The following KHDRBS1 variants were observed in gnomAD, a reference collection of about 807,000 sequenced individuals.
KHDRBS1 encodes the protein KH RNA binding domain containing, signal transduction associated 1, also known as KH domain-containing, RNA-binding, signal transduction-associated protein 1.
In KHDRBS1, 7 loss-of-function variants were observed where a neutral mutation model predicts 48.4. The ratio of observed to expected loss-of-function variants is 0.14; its 90% CI spans 0.08 to 0.27. KHDRBS1 has a LOEUF of 0.27. Ranked by LOEUF, KHDRBS1 falls within the 10% of genes least tolerant of loss-of-function variation. The probability of loss-of-function intolerance (pLI) is 1.00; values close to 1 mark genes in which losing one functional copy is unlikely to be tolerated. For synonymous variants in KHDRBS1, 241 were observed against 235.8 expected, an observed-to-expected ratio of 1.02 and a Z score of -0.20; for missense variants, 458 against 601.2, an observed-to-expected ratio of 0.76 and a Z score of 2.49.
chr1:32,024,086 T>C (rs1357346966), intron 1 of KHDRBS1, among the ~76,000 whole-genome samples: 1 of 152,180 alleles, frequency 6.6e-6, no homozygotes, highest in African/African-American at 2.4e-5. Flanking sequence ...ACCTTTTTTC[T>C]ACTAAAAATA....
intron 6 of KHDRBS1, 127 bp downstream of exon 6, chr1:32,038,163 T>C: frequency 7.1e-7 from 1 of 1,402,276 alleles, no homozygotes; most frequent in Non-Finnish European, 9.6e-7. Context: ...TCTGCCCTCT[T>C]CTCTTGCAGT....
Position 32,030,347 on chromosome 1 carries a change from T to G in KHDRBS1, c.432T>G (p.Asn144Lys), listed in dbSNP as rs765072840. The change falls in exon 2 of 9, where the codon AAT (asparagine) becomes AAG (lysine). Residue 144 changes from asparagine to lysine, a missense_variant. By Grantham distance (94) the Asn-to-Lys change is moderately conservative. Transcript: ENST00000327300. ...KGDSKKDDEE[N>K]YLDLFSHKNM... Reference sequence around the variant, plus strand: ...ACTCAAAAAAGGATGATGAGGAGAATTACTTGGATTTATTTTCTCATAAGA... The same window carrying G: ...ACTCAAAAAAGGATGATGAGGAGAAGTACTTGGATTTATTTTCTCATAAGA... 6.2e-7 allele frequency: 1 copy of G among 1,611,544 alleles called. No individual in the cohort carries two copies. Among genetic ancestry groups the G allele is most frequent in the East Asian group, 2.2e-5 (1 of 44,772 alleles).
rs769790705 is a variant in KHDRBS1, at chr1:32,030,325, C to T, written c.410C>T (p.Ser137Leu). The T allele has an allele frequency of 1.2e-6, 2 of 1,608,616 alleles. No homozygotes were observed. Among genetic ancestry groups the T allele is most frequent in the Admixed American group, 1.7e-5 (1 of 59,234 alleles). Residue 137 changes from serine (S) to leucine (L), a missense_variant, in exon 2 of 9, where the codon TCA (serine) becomes TTA (leucine). Transcript: ENST00000327300. ...AEIEKIQKGD[S>L]KKDDEENYLD... The stretch of plus-strand genomic sequence containing the variant: ...ATTGAGAAGATTCAGAAAGGAGACT[C>T]AAAAAAGGATGATGAGGAGAATTAC...
intron 1 of KHDRBS1, among the ~76,000 whole-genome samples, chr1:32,014,682 C>T (rs999855283): frequency 6.6e-6 from 1 of 152,230 alleles, no homozygotes; most frequent in Non-Finnish European, 1.5e-5. Flanking sequence ...TTGCGGCTGC[C>T]GGGCGCGCAG....
intron 1 of KHDRBS1, among the ~76,000 whole-genome samples, chr1:32,019,331 A>C (rs147248369): frequency 0.034 from 5,119 of 151,896 alleles, 279 homozygotes; most frequent in African/African-American, 0.12. Flanking sequence ...GGGTGGATTA[A>C]CTGAGGTCAG....
chr1:32,030,076 A>G (rs1399831886), intron 1 of KHDRBS1, among the ~76,000 whole-genome samples: 1 of 152,166 alleles, frequency 6.6e-6, no homozygotes. Flanking sequence ...TCATGGCTTC[A>G]GGTGAGGGTG....
At chr1:32,050,922 A>G (rs1569823099) in intron 10 of KHDRBS1, among the ~76,000 whole-genome samples, 1 of 151,528 alleles carries the variant, frequency 6.6e-6, no homozygotes, top group East Asian at 1.9e-4. Flanking sequence ...ACAGAGTCTC[A>G]CTCTGTCACC....
At chr1:32,048,882 C>T (rs954217823) in intron 10 of KHDRBS1, among the ~76,000 whole-genome samples, 1 of 151,922 alleles carries the variant, frequency 6.6e-6, no homozygotes, top group East Asian at 1.9e-4. Flanking sequence ...TCCCTCCAGC[C>T]GTAGGCTACT....
intron 1 of KHDRBS1, among the ~76,000 whole-genome samples, chr1:32,017,314 T>C (rs893436535): frequency 2.6e-5 from 4 of 152,044 alleles, no homozygotes; most frequent in Admixed American, 2.6e-4. Flanking sequence ...TAGACTTCTA[T>C]GTTAGCCAGA....
intron 4 of KHDRBS1, 69 bp from the exon 5 acceptor site, chr1:32,036,841 G>A (rs962249719): frequency 1.8e-5 from 27 of 1,504,216 alleles, no homozygotes; most frequent in African/African-American, 2.8e-5. Context: ...CAAGTCTCCC[G>A]TGGACCAGAT....
intron 4 of KHDRBS1, among the ~76,000 whole-genome samples, chr1:32,034,691 C>T (rs1375775968): frequency 6.6e-6 from 1 of 151,390 alleles, no homozygotes; most frequent in Non-Finnish European, 1.5e-5. Context: ...GAATGTTCAA[C>T]ATGAGGCAGG....
intron 10 of KHDRBS1, among the ~76,000 whole-genome samples, chr1:32,050,576 G>A (rs1482875262): frequency 6.7e-6 from 1 of 149,422 alleles, no homozygotes; most frequent in Non-Finnish European, 1.5e-5. Context: ...GCAGTGGTAT[G>A]ATCTCAGTTC....
chr1:32,054,027 T>C lies in KHDRBS1; in HGVS notation n.1302-6136T>C, dbSNP rs959955892. 2.0e-5 allele frequency among the ~76,000 whole-genome samples: 3 copies of C among 152,120 alleles called. No homozygotes were observed. In the East Asian group the frequency reaches 5.8e-4, roughly 29 times the overall value. On this transcript the variant is annotated intron_variant and non_coding_transcript_variant, in intron 10 of 10. Coordinates refer to the KHDRBS1 transcript ENST00000484270. ...TGTACCCAGGAGGTGGAGGTTGCAGTGAGCCAAGATAGCGCCATTGCACAC... is the reference window on the plus strand; with the variant it reads ...TGTACCCAGGAGGTGGAGGTTGCAGCGAGCCAAGATAGCGCCATTGCACAC...
At chr1:32,052,986 C>CA (rs960978460) in intron 10 of KHDRBS1, among the ~76,000 whole-genome samples, 1 of 151,070 alleles carries the variant, frequency 6.6e-6, no homozygotes, top group East Asian at 1.9e-4. Flanking sequence ...CCCATCTCTA[C>CA]AAAAAAAATA....
chr1:32,059,972 AAG>A (rs1461301549), intron 10 of KHDRBS1, among the ~76,000 whole-genome samples: 1 of 152,144 alleles, frequency 6.6e-6, no homozygotes, highest in Non-Finnish European at 1.5e-5. Context: ...AGACAGTAAA[AAG>A]AGAATTCATA....
chr1:32,037,890 G>A lies in KHDRBS1; in HGVS notation c.961G>A (p.Gly321Arg). Residue 321 changes from glycine to arginine, a missense_variant, in exon 6 of 9, where the codon GGA becomes AGA. Physicochemically the swap from Gly to Arg is moderately radical, Grantham distance 125. Transcript: ENST00000327300. ...GALVRGTPVRGAITRGATVTR... is the reference protein window; with the variant it reads ...GALVRGTPVRRAITRGATVTR... ...TTTGGTACGTGGTACACCAGTAAGG[G>A]GAGCCATCACCAGAGGTGCCACTGT... 1 of 1,614,180 alleles carries A rather than the reference G, an allele frequency of 6.2e-7. No homozygotes were observed. Among genetic ancestry groups the A allele is most frequent in the Non-Finnish European group, 8.5e-7 (1 of 1,180,024 alleles).
At chr1:32,054,417 TC>T (rs1417419971) in intron 10 of KHDRBS1, 7 of 152,166 alleles carry the variant, frequency 4.6e-5, no homozygotes, top group African/African-American at 1.7e-4. Flanking sequence ...GAAAGGAGAC[TC>T]ATCTCTCCTG....
At chr1:32,022,125 G>A (rs995812758) in intron 1 of KHDRBS1, among the ~76,000 whole-genome samples, 7 of 151,772 alleles carry the variant, frequency 4.6e-5, no homozygotes, top group African/African-American at 1.7e-4. Flanking sequence ...GCGCCACCAC[G>A]CCCAACCAGT....
At chr1:32,016,071 T>C (rs1045726664) in intron 1 of KHDRBS1, among the ~76,000 whole-genome samples, 1 of 151,618 alleles carries the variant, frequency 6.6e-6, no homozygotes, top group Non-Finnish European at 1.5e-5. Flanking sequence ...CCAGCTACTT[T>C]GGAAGCTGAG....
Sources: allele counts gnomAD v4.1 joint callset (sites outside exome capture counted in the v4.1 genomes callset), GRCh38; gene constraint gnomAD v4.1.1; transcripts MANE v1.5; gene names NCBI Gene and HGNC (gene_info 2026-07-23, HGNC 2026-07-21).